Variants in TRAPPC2L observed in about 807,000 individuals in gnomAD.
TRAPPC2L encodes trafficking protein particle complex subunit 2L, also known as trafficking protein particle complex subunit 2-like protein.
In TRAPPC2L, 17 loss-of-function variants were observed where a neutral mutation model predicts 13.2. The ratio of observed to expected loss-of-function variants is 1.29; its 90% CI spans 0.88 to 1.93. TRAPPC2L has a LOEUF of 1.93. TRAPPC2L is among the 30% of genes most tolerant of loss of function. TRAPPC2L has a pLI of 0.00. For missense variants in TRAPPC2L, 359 were observed against 252.1 expected (o/e 1.42, Z -2.87); for synonymous variants, 150 against 98.1 (o/e 1.53, Z -3.12).
At chr16:88,856,244 C>T, upstream of TRAPPC2L, 1 of 703,048 alleles carries the variant, frequency 1.4e-6, no homozygotes. Context: ...AGACAGCCGT[C>T]AGGTAAGACT....
chr16:88,859,252 C>A, intron 2 of TRAPPC2L: 1 of 552,994 alleles, frequency 1.8e-6, no homozygotes, highest in Middle Eastern at 2.9e-4. Context: ...GTAGCCTGTC[C>A]ATGGTGACAT....
chr16:88,859,904 G>T, exon 4 of TRAPPC2L: 10 of 1,553,584 alleles, frequency 6.4e-6, no homozygotes, highest in Non-Finnish European at 7.8e-6. Context: ...TGTTCCGGAA[G>T]CTACACAACT....
At chr16:88,859,187 T>A in intron 2 of TRAPPC2L, 1 of 474,650 alleles carries the variant, frequency 2.1e-6, no homozygotes, top group South Asian at 1.7e-5. Flanking sequence ...GTCTAGTCCC[T>A]TGGGACAAAT....
In TRAPPC2L at chr16:88,859,757, CAG is replaced by C. The variant is rs751825359; in HGVS notation, c.294+8_294+9del. 9.3e-6 allele frequency: 15 copies of C among 1,612,900 alleles called. No homozygotes were observed. Among genetic ancestry groups the C allele is most frequent in the Non-Finnish European group, 1.1e-5 (13 of 1,179,220 alleles). ...AGACAACGAAATTCGCAGCGTAAGT[CAG>C]GGAGTTAGAGGGCCACGCCCGAGTG... On this transcript the variant is annotated splice_region_variant and intron_variant, in intron 3 of 3. Transcript: ENST00000565504.
exon 4 of TRAPPC2L, chr16:88,861,791 C>A: frequency 4.9e-6 from 2 of 406,362 alleles, no homozygotes; most frequent in East Asian, 7.5e-5. Flanking sequence ...TTCTCAAGGA[C>A]CTTGAGGACC....
intron 2 of TRAPPC2L, chr16:88,859,244 A>AGCCT: frequency 1.8e-6 from 1 of 542,156 alleles, no homozygotes; most frequent in South Asian, 1.5e-5. Flanking sequence ...GTCATCATGT[A>AGCCT]GCCTGTCCAT....
At chr16:88,860,589 C>T (rs936233188) in exon 4 of TRAPPC2L, 14 of 586,716 alleles carry the variant, frequency 2.4e-5, no homozygotes, top group Non-Finnish European at 3.9e-5. Context: ...CAGATGGGAG[C>T]AGGCAGGCGA....
At chr16:88,861,258 G>A (rs553865424) in exon 4 of TRAPPC2L, 2 of 446,594 alleles carry the variant, frequency 4.5e-6, no homozygotes, top group Non-Finnish European at 8.3e-6. Context: ...AGGCAGGGGT[G>A]CCTGGAGCCA....
At chr16:88,859,960 G>T (rs755976894) in exon 4 of TRAPPC2L, 1 of 1,612,444 alleles carries the variant, frequency 6.2e-7, no homozygotes, top group South Asian at 1.1e-5. Flanking sequence ...CCGGGGGACC[G>T]CATCCAGTCC....
At chr16:88,861,313 C>G (rs1245767137) in exon 4 of TRAPPC2L, 1 of 380,236 alleles carries the variant, frequency 2.6e-6, no homozygotes, top group Non-Finnish European at 5.0e-6. Context: ...GGGTCACCCA[C>G]TGGCTGAACA....
At position 88,859,202 on chromosome 16, in the gene TRAPPC2L, TGAGGCCA is replaced by T. The variant is rs1968201962; in HGVS notation, c.206+412_206+418del. The T allele has an allele frequency of 4.2e-4, 206 of 488,770 alleles. 5 individuals are homozygous for T. The highest frequency in any genetic ancestry group is 3.4e-3 in the South Asian group (205 of 60,598). 30.3% of individuals were successfully genotyped at this position (488,770 alleles called of 1,614,324 possible). On this transcript the variant is annotated intron_variant, in intron 2 of 3. Transcript: ENST00000565504. ...GTCTAGTCCCTTGGGACAAATCACT[TGAGGCCA>T]TGGAATTCAAAGACCTTCCCAAAAG...
upstream of TRAPPC2L, chr16:88,856,853 T>C: frequency 6.6e-7 from 1 of 1,509,856 alleles, no homozygotes; most frequent in African/African-American, 1.5e-5. Flanking sequence ...TGCCACCACC[T>C]CGTCGCCGCG....
chr16:88,856,922 G>C (rs1384132870), upstream of TRAPPC2L: 1 of 1,483,058 alleles, frequency 6.7e-7, no homozygotes, highest in Admixed American at 2.3e-5. Flanking sequence ...AGCCGACCTA[G>C]CGAGCGTCCG....
chr16:88,859,325 C>T (rs1236589923), intron 2 of TRAPPC2L: 5 of 658,450 alleles, frequency 7.6e-6, no homozygotes, highest in East Asian at 3.0e-5. Context: ...GCCTTGTTCA[C>T]GAAGCCTCTG....
At chr16:88,862,146 A>T (rs959936912) in exon 4 of TRAPPC2L, 1 of 154,696 alleles carries the variant, frequency 6.5e-6, no homozygotes, top group Non-Finnish European at 1.4e-5. Context: ...GCACTTCCCC[A>T]TTGCAGCCTG....
At position 88,861,019 on chromosome 16, in the gene TRAPPC2L, G is replaced by T. The variant is rs1212501410; in HGVS notation, c.*695G>T. 3 of 1,524,916 alleles carry T rather than the reference G, an allele frequency of 2.0e-6. No homozygotes were observed. The Admixed American group carries it at 5.9e-5, about 30-fold the overall frequency. The allele number at this position is 1,524,916 out of a possible 1,614,324, so 94.5% of individuals were successfully genotyped here. A position where few individuals can be genotyped will look rare whatever the true frequency, so the allele number is the denominator to read the frequency against. On this transcript the variant is annotated 3_prime_UTR_variant, in exon 4 of 4. Transcript: ENST00000565504. Reference sequence around the variant, plus strand: ...GCGCACGACTGTGGTGGGGCCGTCGGTCTGTTCTGGTTGCCTCTTCCTGAA... The same window carrying T: ...GCGCACGACTGTGGTGGGGCCGTCGTTCTGTTCTGGTTGCCTCTTCCTGAA...
upstream of TRAPPC2L, chr16:88,856,612 C>G: frequency 3.5e-6 from 2 of 568,112 alleles, no homozygotes; most frequent in Non-Finnish European, 3.3e-6. Flanking sequence ...CTCCTCCCCG[C>G]GCGGGGCCTC....
exon 4 of TRAPPC2L, chr16:88,860,835 G>A: frequency 2.7e-6 from 4 of 1,475,294 alleles, no homozygotes; most frequent in Middle Eastern, 1.7e-4. Context: ...TGTGGATGGA[G>A]CCATGCTGCC....
chr16:88,859,891 A>C lies in TRAPPC2L; in HGVS notation c.295-2A>C, dbSNP rs1968253519. On this transcript the variant is annotated splice_acceptor_variant, in intron 3 of 3. Coordinates refer to ENST00000565504, the Ensembl canonical transcript of TRAPPC2L. LOFTEE classifies it high-confidence loss of function. Reference sequence around the variant, plus strand: ...GGTCATGGTTTGCTGGGTCTTTTTCAGATGTTCCGGAAGCTACACAACTCC... The same window carrying C: ...GGTCATGGTTTGCTGGGTCTTTTTCCGATGTTCCGGAAGCTACACAACTCC... The C allele has an allele frequency of 1.9e-6, 3 of 1,554,084 alleles. No homozygotes were observed. The highest frequency in any genetic ancestry group is 2.6e-6 in the Non-Finnish European group (3 of 1,150,806).
Sources: gnomAD v4.1 joint callset for allele counts on GRCh38, gnomAD v4.1.1 for gene constraint, MANE v1.5 for transcripts, NCBI Gene and HGNC (gene_info 2026-07-23, HGNC 2026-07-21) for gene names.